GABRB1: variants seen among roughly 807,000 people sequenced by gnomAD.
GABRB1 encodes the protein gamma-aminobutyric acid receptor subunit beta-1.
GABRB1 carries 17 observed loss-of-function variants against 51.6 expected under a neutral mutation model. That is an observed-to-expected ratio of 0.33 (90% CI 0.23 to 0.49). The LOEUF (loss-of-function observed/expected upper bound fraction) is 0.49, where lower values mean the gene tolerates loss of function less well. Ranked by LOEUF, GABRB1 falls within the 20% of genes least tolerant of loss-of-function variation. GABRB1 has a pLI of 0.99. For missense variants in GABRB1, 410 were observed against 600.6 expected, an observed-to-expected ratio of 0.68 and a Z score of 3.32; for synonymous variants, 247 against 218.9, an observed-to-expected ratio of 1.13 and a Z score of -1.14.
At chr4:47,120,632 T>C (rs1039723809) in intron 3 of GABRB1, among the ~76,000 whole-genome samples, 24 of 152,326 alleles carry the variant, frequency 1.6e-4, no homozygotes, top group Non-Finnish European at 2.5e-4. Context: ...GTCCACGGCA[T>C]GTACTCCTAG....
At chr4:47,235,489 CA>C (rs1721299505) in intron 4 of GABRB1, among the ~76,000 whole-genome samples, 1 of 151,064 alleles carries the variant, frequency 6.6e-6, no homozygotes, top group African/African-American at 2.4e-5. Flanking sequence ...TCAGACGTTG[CA>C]GTGAGCCGAG....
chr4:47,015,555 C>T (rs929061419), intron 1 of GABRB1, among the ~76,000 whole-genome samples: 2 of 152,096 alleles, frequency 1.3e-5, no homozygotes, highest in Non-Finnish European at 2.9e-5. Flanking sequence ...GTTGTGGCCT[C>T]TGGCTTTTAA....
At chr4:47,121,870 C>T (rs1332521364) in intron 3 of GABRB1, among the ~76,000 whole-genome samples, 1 of 152,122 alleles carries the variant, frequency 6.6e-6, no homozygotes, top group Non-Finnish European at 1.5e-5. Context: ...CAAGCAATCC[C>T]ATTTGATTTG....
chr4:47,320,127 A>G lies in GABRB1; in HGVS notation c.462A>G (p.Arg154=), dbSNP rs1345319877. 6.3e-7 allele frequency: 1 copy of G among 1,586,874 alleles called. No individual in the cohort carries two copies. The highest frequency in any genetic ancestry group is 1.7e-5 in the Admixed American group (1 of 60,000). Residue 154 remains arginine, a splice_region_variant and synonymous_variant, in exon 5 of 9, where the codon CGA becomes CGG. Coordinates refer to ENST00000295454, the MANE Select transcript of GABRB1 (RefSeq NM_000812.4). ...CTTTTTTCTCTCTCCTCTCTATCAG[A>G]ATCACAACCACAGCTGCATGTATGA... ...HPDGTVLYGL[R]ITTTAACMMD...
At chr4:47,138,597 G>A (rs1170236164) in intron 3 of GABRB1, among the ~76,000 whole-genome samples, 2 of 151,852 alleles carry the variant, frequency 1.3e-5, no homozygotes, top group Non-Finnish European at 2.9e-5. Context: ...AATGGTCAAG[G>A]AAAAAAATGT....
intron 3 of GABRB1, among the ~76,000 whole-genome samples, chr4:47,138,466 C>A (rs1716772468): frequency 6.6e-6 from 1 of 152,004 alleles, no homozygotes; most frequent in Admixed American, 6.6e-5. Flanking sequence ...AGTACGAAGG[C>A]TGGGCATGTC....
intron 5 of GABRB1, among the ~76,000 whole-genome samples, chr4:47,321,278 A>T (rs1056420370): frequency 2.0e-5 from 3 of 152,214 alleles, no homozygotes; most frequent in Non-Finnish European, 2.9e-5. Flanking sequence ...GAAAAATTCC[A>T]GGTGATTCTA....
chr4:47,296,883 A>T (rs1724022188), intron 4 of GABRB1, among the ~76,000 whole-genome samples: 1 of 152,230 alleles, frequency 6.6e-6, no homozygotes, highest in African/African-American at 2.4e-5. Context: ...AGCAAACGTA[A>T]AAGAACGGAA....
At chr4:47,151,747 G>A (rs1202210410) in intron 3 of GABRB1, among the ~76,000 whole-genome samples, 2 of 151,874 alleles carry the variant, frequency 1.3e-5, no homozygotes, top group African/African-American at 4.8e-5. Context: ...TCCATTATGT[G>A]GTTTTAAAAA....
chr4:47,338,250 A>T (rs940571624), intron 5 of GABRB1, among the ~76,000 whole-genome samples: 1 of 152,158 alleles, frequency 6.6e-6, no homozygotes, highest in Non-Finnish European at 1.5e-5. Context: ...GGCTGTATTT[A>T]TCTAAGTTCC....
At chr4:47,152,437 A>G (rs1170337174) in intron 3 of GABRB1, among the ~76,000 whole-genome samples, 2 of 151,990 alleles carry the variant, frequency 1.3e-5, no homozygotes, top group Admixed American at 1.3e-4. Flanking sequence ...GCTGCAATCA[A>G]AGTAGAAGAG....
intron 3 of GABRB1, among the ~76,000 whole-genome samples, chr4:47,114,966 C>T (rs907435159): frequency 4.6e-5 from 7 of 152,212 alleles, no homozygotes; most frequent in African/African-American, 1.7e-4. Flanking sequence ...ACTAGAACTT[C>T]TCAATTCCTT....
chr4:47,210,262 TG>T (rs1239318899), intron 4 of GABRB1, among the ~76,000 whole-genome samples: 3 of 152,278 alleles, frequency 2.0e-5, no homozygotes, highest in Non-Finnish European at 4.4e-5. Flanking sequence ...ATAGAAAATA[TG>T]TATAAGTTTT....
intron 1 of GABRB1, among the ~76,000 whole-genome samples, chr4:46,996,481 C>T (rs1724001650): frequency 6.6e-6 from 1 of 152,082 alleles, no homozygotes; most frequent in South Asian, 2.1e-4. Flanking sequence ...CTATGAAATG[C>T]CCTGGAAATG....
At chr4:47,013,137 T>G (rs112939604) in intron 1 of GABRB1, among the ~76,000 whole-genome samples, 1,376 of 56,318 alleles carry the variant, frequency 0.024, 28 homozygotes, top group African/African-American at 0.069. Flanking sequence ...ACAAATTGCA[T>G]TCTGTGTGTG....
chr4:47,123,780 TTATTATATATAATA>T (rs1715960144), intron 3 of GABRB1, among the ~76,000 whole-genome samples: 1 of 79,984 alleles, frequency 1.3e-5, no homozygotes, highest in African/African-American at 5.0e-5. Context: ...ATATCATATA[TTATTATATATAATA>T]TATTATATAT....
chr4:47,024,267 T>C (rs1325327956), intron 1 of GABRB1, among the ~76,000 whole-genome samples: 1 of 152,002 alleles, frequency 6.6e-6, no homozygotes, highest in Non-Finnish European at 1.5e-5. Context: ...CTTCCTATAC[T>C]TCATGATATT....
chr4:47,236,485 C>T (rs1266918439), intron 4 of GABRB1, among the ~76,000 whole-genome samples: 1 of 152,158 alleles, frequency 6.6e-6, no homozygotes, highest in African/African-American at 2.4e-5. Flanking sequence ...TTAGTAACTA[C>T]TAGTGCTCAG....
At chr4:47,073,475 A>G (rs1727426197) in intron 3 of GABRB1, among the ~76,000 whole-genome samples, 1 of 152,330 alleles carries the variant, frequency 6.6e-6, no homozygotes, top group Middle Eastern at 3.4e-3. Flanking sequence ...TCTAAGAGGC[A>G]TAAAACTCAG....
Sources: gnomAD v4.1 joint callset for allele counts (sites outside exome capture counted in the v4.1 genomes callset) on GRCh38, gnomAD v4.1.1 for gene constraint, MANE v1.5 for transcripts, NCBI Gene and HGNC (gene_info 2026-07-23, HGNC 2026-07-21) for gene names.